CACNA2D3: variants seen among roughly 807,000 people sequenced by gnomAD.
The protein encoded by CACNA2D3 is calcium voltage-gated channel auxiliary subunit alpha2delta 3, also known as voltage-dependent calcium channel subunit alpha-2/delta-3.
CACNA2D3 carries 60 observed loss-of-function variants against 160.6 expected under a neutral mutation model. The observed-to-expected ratio is 0.37, with a 90% CI of 0.30 to 0.46. CACNA2D3 has a LOEUF of 0.46. Ranked by LOEUF, CACNA2D3 falls within the 20% of genes least tolerant of loss-of-function variation. CACNA2D3 has a pLI of 1.00. For missense variants in CACNA2D3, 1,205 were observed against 1,365.0 expected, an observed-to-expected ratio of 0.88 and a Z score of 1.85; for synonymous variants, 558 against 492.9, an observed-to-expected ratio of 1.13 and a Z score of -1.75.
At chr3:54,823,238 A>G (rs530195604) in intron 14 of CACNA2D3, among the ~76,000 whole-genome samples, 2 of 152,244 alleles carry the variant, frequency 1.3e-5, no homozygotes, top group South Asian at 2.1e-4. Context: ...GTGTAAGGGG[A>G]AAAATCAGGG....
chr3:54,236,156 C>T (rs1575334891), intron 2 of CACNA2D3, among the ~76,000 whole-genome samples: 1 of 152,088 alleles, frequency 6.6e-6, no homozygotes, highest in East Asian at 1.9e-4. Flanking sequence ...CAGTACTGCT[C>T]AAAACAAGCA....
intron 5 of CACNA2D3, among the ~76,000 whole-genome samples, chr3:54,516,491 T>G (rs1481981906): frequency 6.6e-6 from 1 of 152,160 alleles, no homozygotes; most frequent in East Asian, 1.9e-4. Flanking sequence ...TGCCCACACA[T>G]GTAGATATTT....
chr3:54,278,864 T>C (rs1397327242), intron 2 of CACNA2D3, among the ~76,000 whole-genome samples: 1 of 152,006 alleles, frequency 6.6e-6, no homozygotes, highest in Non-Finnish European at 1.5e-5. Flanking sequence ...GGGATAGCAT[T>C]AGGAGAAATA....
chr3:55,054,162 A>G (rs559376366), intron 35 of CACNA2D3, among the ~76,000 whole-genome samples: 1 of 152,006 alleles, frequency 6.6e-6, no homozygotes, highest in Non-Finnish European at 1.5e-5. Flanking sequence ...TACTTACCTT[A>G]GGATAATATA....
At chr3:55,008,888 T>TACACACACACACACAC (rs4024588) in intron 33 of CACNA2D3, among the ~76,000 whole-genome samples, 2,709 of 142,904 alleles carry the variant, frequency 0.019, 56 homozygotes, top group Middle Eastern at 0.033. Context: ...CCTCCCTCTA[T>TACACACACACACACAC]ACACACACAC....
chr3:54,862,866 G>A (rs950546898), intron 17 of CACNA2D3, among the ~76,000 whole-genome samples: 1 of 152,158 alleles, frequency 6.6e-6, no homozygotes, highest in South Asian at 2.1e-4. Flanking sequence ...AATAAAGGAA[G>A]TCAATGTTTT....
At chr3:54,615,579 C>G (rs940223931) in intron 9 of CACNA2D3, among the ~76,000 whole-genome samples, 1 of 152,162 alleles carries the variant, frequency 6.6e-6, no homozygotes, top group Non-Finnish European at 1.5e-5. Flanking sequence ...AACATGAATC[C>G]TCATTCAAAC....
chr3:54,490,333 CA>C (rs869036511), intron 4 of CACNA2D3, among the ~76,000 whole-genome samples: 1 of 126 alleles, frequency 7.9e-3, no homozygotes, highest in Non-Finnish European at 0.022. Flanking sequence ...CATCCCTGCG[CA>C]GCAGCAGGCT....
intron 27 of CACNA2D3, chr3:54,927,872 G>T (rs143055169): frequency 6.2e-7 from 1 of 1,612,788 alleles, no homozygotes; most frequent in Admixed American, 1.7e-5. Context: ...TCCCAGACAA[G>T]AACTTTTCCA....
At position 54,288,230 on chromosome 3, in the gene CACNA2D3, A is replaced by G. The variant is rs531783553; in HGVS notation, c.205-32212A>G. On this transcript the variant is annotated intron_variant, in intron 2 of 37. Coordinates refer to ENST00000474759, the MANE Select transcript of CACNA2D3 (RefSeq NM_018398.3). ...AATCAAACAGATGCAATAAAAAATG[A>G]TAAGGGGGATATCACCACCGATTCC... Among the ~76,000 whole-genome samples, 3 of 152,336 alleles carry G rather than the reference A, an allele frequency of 2.0e-5. No homozygotes were observed. The South Asian group carries it at 6.2e-4, about 32-fold the overall frequency.
chr3:54,289,525 A>G (rs1703127389), intron 2 of CACNA2D3, among the ~76,000 whole-genome samples: 1 of 151,522 alleles, frequency 6.6e-6, no homozygotes, highest in East Asian at 1.9e-4. Flanking sequence ...TCAAGCTACC[A>G]ATGACTTTCT....
intron 27 of CACNA2D3, among the ~76,000 whole-genome samples, chr3:54,921,134 GAAGCTCC>G (rs1700837477): frequency 6.6e-6 from 1 of 152,156 alleles, no homozygotes; most frequent in Non-Finnish European, 1.5e-5. Flanking sequence ...GACAATGCAA[GAAGCTCC>G]AGCTTGCCAA....
At chr3:54,216,230 T>A (rs143596418) in intron 2 of CACNA2D3, among the ~76,000 whole-genome samples, 1 of 152,256 alleles carries the variant, frequency 6.6e-6, no homozygotes, top group Non-Finnish European at 1.5e-5. Context: ...ATTTTACAAC[T>A]AAGGAAGCAC....
intron 3 of CACNA2D3, among the ~76,000 whole-genome samples, chr3:54,333,636 G>A (rs555682446): frequency 4.0e-5 from 6 of 151,778 alleles, no homozygotes; most frequent in Middle Eastern, 3.4e-3. Flanking sequence ...CAGCACTCAG[G>A]GGGAGGGAGC....
At chr3:54,462,604 CT>C (rs1202421971) in intron 4 of CACNA2D3, among the ~76,000 whole-genome samples, 3 of 151,960 alleles carry the variant, frequency 2.0e-5, no homozygotes, top group African/African-American at 7.3e-5. Flanking sequence ...CAACCCCTGC[CT>C]TTTTTTGTTT....
intron 24 of CACNA2D3, 87 bp from the exon 25 acceptor site, chr3:54,891,268 T>TA (rs1469656971): frequency 2.3e-6 from 2 of 854,778 alleles, no homozygotes; most frequent in African/African-American, 3.4e-5. Flanking sequence ...TGCTATTTGG[T>TA]AAAAACATTC....
intron 25 of CACNA2D3, among the ~76,000 whole-genome samples, chr3:54,893,603 A>C (rs184836129): frequency 6.6e-6 from 1 of 152,136 alleles, no homozygotes; most frequent in Non-Finnish European, 1.5e-5. Flanking sequence ...GCTTTTGACT[A>C]GGGCATGAAA....
chr3:54,499,877 A>C (rs1701261134), intron 4 of CACNA2D3, among the ~76,000 whole-genome samples: 1 of 152,100 alleles, frequency 6.6e-6, no homozygotes, highest in African/African-American at 2.4e-5. Context: ...CTCTTTATGG[A>C]TGAAGTATTC....
chr3:54,373,155 G>A (rs1040248020), intron 3 of CACNA2D3, among the ~76,000 whole-genome samples: 4 of 152,176 alleles, frequency 2.6e-5, no homozygotes, highest in Non-Finnish European at 5.9e-5. Flanking sequence ...TTTTTCTGAG[G>A]ACCCTGAAGC....
Sources: allele counts gnomAD v4.1 joint callset (sites outside exome capture counted in the v4.1 genomes callset), GRCh38; gene constraint gnomAD v4.1.1; transcripts MANE v1.5; gene names NCBI Gene and HGNC (gene_info 2026-07-23, HGNC 2026-07-21).